The following ADAMTS20 variants were observed in gnomAD, a reference collection of about 807,000 sequenced individuals.
ADAMTS20 encodes A disintegrin and metalloproteinase with thrombospondin motifs 20.
In ADAMTS20, 225 loss-of-function variants were observed where a neutral mutation model predicts 260.1. That is an observed-to-expected ratio of 0.87 (90% CI 0.78 to 0.97). ADAMTS20 has a LOEUF of 0.97. ADAMTS20 is among the 50% of genes least tolerant of loss of function. ADAMTS20 has a pLI of 0.00. For missense variants in ADAMTS20, 2,400 were observed against 2,337.7 expected (o/e 1.03, Z -0.55); for synonymous variants, 802 against 769.5 (o/e 1.04, Z -0.70).
chr12:43,376,070 C>T lies in ADAMTS20; in HGVS notation c.5299G>A (p.Val1767Met), dbSNP rs1940219321. 1.2e-6 allele frequency: 2 copies of T among 1,608,720 alleles called. No homozygotes were observed. Among genetic ancestry groups the T allele is most frequent in the African/African-American group, 2.7e-5 (2 of 74,788 alleles). Residue 1767 changes from valine (V) to methionine (M), a missense_variant, in exon 35 of 39, where the codon GTG becomes ATG. Val to Met is a conservative substitution (Grantham distance 21). Coordinates refer to ENST00000389420, the MANE Select transcript of ADAMTS20 (RefSeq NM_025003.5). ...LVQGEENFSE[V>M]YGFRLKNPYQ... ...CACATCTCGTACCTAAAGCCATACA[C>T]TTCAGAAAAGTTTTCTTCACCTTGG...
chr12:43,376,521 T>TA lies in ADAMTS20; in HGVS notation c.5125+2dup. ...TATTAGATTTTTGAAGTCTACTACT[T>TA]ACAGTCATTGGCATAACATTTCTTT... On this transcript the variant is annotated splice_region_variant and intron_variant, in intron 33 of 38. Coordinates refer to ENST00000389420, the MANE Select transcript of ADAMTS20 (RefSeq NM_025003.5). 1 of 1,610,572 alleles carries TA rather than the reference T, an allele frequency of 6.2e-7. No homozygotes were observed. The highest frequency in any genetic ancestry group is 8.5e-7 in the Non-Finnish European group (1 of 1,178,982).
chr12:43,383,801 C>A lies in ADAMTS20; in HGVS notation c.4626+3G>T, dbSNP rs370002718. On this transcript the variant is annotated splice_donor_region_variant and intron_variant, in intron 30 of 38. Transcript: ENST00000389420. ...CTTTGAAAATTTACATGTCGATACT[C>A]ACATTCAGCCTCCCTCTTTCCATCC... 43 of 1,613,522 alleles carry A rather than the reference C, an allele frequency of 2.7e-5. No individual in the cohort carries two copies. The highest frequency in any genetic ancestry group is 3.5e-5 in the Non-Finnish European group (41 of 1,179,704).
At chr12:43,501,481 G>GCGCGCGCGCACACACACACACACACA (rs373746834) in intron 4 of ADAMTS20, among the ~76,000 whole-genome samples, 8 of 117,860 alleles carry the variant, frequency 6.8e-5, no homozygotes, top group Middle Eastern at 5.2e-3. Context: ...GCGCGCGCGC[G>GCGCGCGCGCACACACACACACACACA]CACACACACA....
intron 3 of ADAMTS20, among the ~76,000 whole-genome samples, chr12:43,516,389 A>G (rs867777577): frequency 8.5e-5 from 13 of 152,202 alleles, no homozygotes; most frequent in Admixed American, 7.2e-4. Context: ...TCCTTTTCAT[A>G]AGCAAAGCAT....
At chr12:43,437,450 A>T (rs548983285) in intron 18 of ADAMTS20, among the ~76,000 whole-genome samples, 16 of 152,270 alleles carry the variant, frequency 1.1e-4, no homozygotes, top group Non-Finnish European at 1.9e-4. Flanking sequence ...AAATCAAGGC[A>T]TATTGTCCTG....
chr12:43,473,997 C>T (rs1464864585), intron 7 of ADAMTS20, among the ~76,000 whole-genome samples: 1 of 147,830 alleles, frequency 6.8e-6, no homozygotes, highest in East Asian at 2.0e-4. Context: ...CAGAGCAGAA[C>T]TGAAGGAAAT....
intron 7 of ADAMTS20, among the ~76,000 whole-genome samples, chr12:43,480,756 A>T (rs987816401): frequency 6.6e-6 from 1 of 152,150 alleles, no homozygotes; most frequent in Non-Finnish European, 1.5e-5. Context: ...AAAAAAGTCG[A>T]ACTCTGATAA....
At chr12:43,470,778 C>T (rs1316354237) in intron 7 of ADAMTS20, among the ~76,000 whole-genome samples, 1 of 152,140 alleles carries the variant, frequency 6.6e-6, no homozygotes, top group Admixed American at 6.5e-5. Flanking sequence ...TTACTACCAA[C>T]ATTTTGTGTT....
At chr12:43,473,497 T>A (rs1251921891) in intron 7 of ADAMTS20, among the ~76,000 whole-genome samples, 1 of 28,534 alleles carries the variant, frequency 3.5e-5, no homozygotes, top group Admixed American at 5.4e-4. Flanking sequence ...CTAATAGACA[T>A]CTACAGAACT....
chr12:43,440,130 CTTGT>C (rs1220356017), intron 16 of ADAMTS20, 61 bp from the exon 17 acceptor site: 16 of 894,186 alleles, frequency 1.8e-5, no homozygotes, highest in Non-Finnish European at 2.6e-5. Context: ...ACAGAAAACA[CTTGT>C]TTAACTTTTT....
chr12:43,425,898 T>C (rs992589644), intron 27 of ADAMTS20, among the ~76,000 whole-genome samples: 1 of 152,106 alleles, frequency 6.6e-6, no homozygotes, highest in African/African-American at 2.4e-5. Flanking sequence ...GACAAAAAAA[T>C]AAATCAAAGT....
chr12:43,544,911 C>A (rs903420215), intron 2 of ADAMTS20, among the ~76,000 whole-genome samples: 6 of 152,148 alleles, frequency 3.9e-5, no homozygotes, highest in African/African-American at 7.2e-5. Flanking sequence ...CTTGATAATT[C>A]TTTGTGTAGG....
At chr12:43,383,765 A>G in intron 30 of ADAMTS20, 37 bp from the exon 31 acceptor site, 1 of 1,613,566 alleles carries the variant, frequency 6.2e-7, no homozygotes, top group Non-Finnish European at 8.5e-7. Flanking sequence ...ACACATTCTT[A>G]TATGCAGTGT....
At chr12:43,400,023 G>A (rs896699765) in intron 28 of ADAMTS20, among the ~76,000 whole-genome samples, 2 of 151,902 alleles carry the variant, frequency 1.3e-5, no homozygotes, top group Non-Finnish European at 2.9e-5. Context: ...TATAAAACAT[G>A]AGTAGTAGCA....
chr12:43,429,257 C>T (rs954916770), intron 24 of ADAMTS20, among the ~76,000 whole-genome samples: 3 of 151,978 alleles, frequency 2.0e-5, no homozygotes, highest in South Asian at 4.1e-4. Context: ...ACTCCACATA[C>T]GTTAAAGCTT....
At chr12:43,544,375 T>C (rs1249265471) in intron 2 of ADAMTS20, among the ~76,000 whole-genome samples, 1 of 152,238 alleles carries the variant, frequency 6.6e-6, no homozygotes, top group Non-Finnish European at 1.5e-5. Context: ...CTTATCTTAC[T>C]CATAATGTGT....
intron 7 of ADAMTS20, among the ~76,000 whole-genome samples, chr12:43,487,633 A>T (rs1942543241): frequency 6.6e-6 from 1 of 152,192 alleles, no homozygotes; most frequent in African/African-American, 2.4e-5. Context: ...TGTACATGAC[A>T]CATTGAAAGA....
chr12:43,444,312 A>G (rs1452324942), intron 15 of ADAMTS20, among the ~76,000 whole-genome samples: 1 of 152,154 alleles, frequency 6.6e-6, no homozygotes, highest in Non-Finnish European at 1.5e-5. Context: ...GCTATGATAT[A>G]TTCACACAGA....
At chr12:43,404,830 G>A (rs1940881675) in intron 28 of ADAMTS20, among the ~76,000 whole-genome samples, 1 of 151,714 alleles carries the variant, frequency 6.6e-6, no homozygotes, top group Admixed American at 6.6e-5. Flanking sequence ...TTATTGAGAG[G>A]GAGTTTAAAG....
Sources: gnomAD v4.1 joint callset for allele counts (sites outside exome capture counted in the v4.1 genomes callset) on GRCh38, gnomAD v4.1.1 for gene constraint, MANE v1.5 for transcripts, NCBI Gene and HGNC (gene_info 2026-07-23, HGNC 2026-07-21) for gene names.